Variants in NAV2 observed in about 807,000 individuals in gnomAD.
The protein encoded by NAV2 is neuron navigator 2, also known as helicase, APC down-regulated 1.
Under a neutral mutation model 223.2 loss-of-function variants are expected in NAV2, and 54 were observed. The ratio of observed to expected loss-of-function variants is 0.24; its 90% CI spans 0.19 to 0.30. The LOEUF (loss-of-function observed/expected upper bound fraction) is 0.30, where lower values mean the gene tolerates loss of function less well. Ranked by LOEUF, NAV2 falls within the 10% of genes least tolerant of loss-of-function variation. The pLI, the probability that NAV2 is intolerant of heterozygous loss-of-function variation, is 1.00. For synonymous variants in NAV2, 1,279 were observed against 1,239.3 expected (o/e 1.03, Z -0.67); for missense variants, 2,806 against 3,147.5 (o/e 0.89, Z 2.60).
At chr11:19,922,945 A>C (rs1024318703) in intron 6 of NAV2, among the ~76,000 whole-genome samples, 1 of 152,156 alleles carries the variant, frequency 6.6e-6, no homozygotes, top group Non-Finnish European at 1.5e-5. Context: ...TGTTGATAGA[A>C]ATCTTTTTAG....
intron 5 of NAV2, among the ~76,000 whole-genome samples, chr11:19,881,986 G>A (rs2063244755): frequency 6.6e-6 from 1 of 152,196 alleles, no homozygotes. Flanking sequence ...GTGACCTGTG[G>A]TCCCTGGAGT....
rs547788157 is a variant in NAV2, at chr11:19,943,188, A to AT, written c.2147-3206dup. ...GCCTAGAGCTAACCTAAGAATCAGT[A>AT]TTTTTTTAACAGGCTTATATACATA... is the stretch of plus-strand genomic sequence containing the variant. On this transcript the variant is annotated intron_variant, in intron 8 of 37. Transcript: ENST00000349880. 2.7e-3 allele frequency among the ~76,000 whole-genome samples: 408 copies of AT among 152,256 alleles called. 1 individual carries two copies. Among genetic ancestry groups the AT allele is most frequent in the African/African-American group, 9.4e-3 (392 of 41,540 alleles).
At position 20,120,638 on chromosome 11, in the gene NAV2, T is replaced by G. The variant is rs1301964624; in HGVS notation, c.*2380T>G. ...CTCTCTTGTCATTCTCTTCTCCCCT[T>G]TCCCACAGACTTCCCTCCTGGGTCC... On this transcript the variant is annotated 3_prime_UTR_variant, in exon 38 of 38. Coordinates refer to ENST00000349880, the MANE Select transcript of NAV2 (RefSeq NM_145117.5). 3 of 133,610 alleles carry G rather than the reference T, an allele frequency of 2.2e-5. No homozygotes were observed. The highest frequency in any genetic ancestry group is 9.7e-5 in the African/African-American group (3 of 30,918). The allele number at this position is 133,610 out of a possible 1,614,324, so 8.3% of individuals were successfully genotyped here.
chr11:19,745,591 C>T (rs904716232), intron 1 of NAV2, among the ~76,000 whole-genome samples: 13 of 152,102 alleles, frequency 8.5e-5, no homozygotes, highest in African/African-American at 3.1e-4. Flanking sequence ...GCGGTGGTCC[C>T]CAGCCTTTCT....
Position 19,653,441 on chromosome 11 carries a change from G to A in NAV2, c.76-179043G>A, listed in dbSNP as rs1464269188. 2.6e-5 allele frequency among the ~76,000 whole-genome samples: 4 copies of A among 152,316 alleles called. No homozygotes were observed. In the East Asian group the frequency reaches 5.8e-4, roughly 22 times the overall value. On this transcript the variant is annotated intron_variant, in intron 1 of 37. Coordinates refer to the NAV2 transcript ENST00000360655. Reference sequence around the variant, plus strand: ...TCTAAGCGCCAGGCATTTTACATTTGTGAGCTCACGAATATTCCTCACTGT... The same window carrying A: ...TCTAAGCGCCAGGCATTTTACATTTATGAGCTCACGAATATTCCTCACTGT...
At chr11:19,701,570 A>G (rs1219805857) in intron 1 of NAV2, among the ~76,000 whole-genome samples, 1 of 152,212 alleles carries the variant, frequency 6.6e-6, no homozygotes, top group Non-Finnish European at 1.5e-5. Flanking sequence ...CAGGGAGACT[A>G]ACTTTGTTTG....
At chr11:19,624,410 G>A (rs898842120) in intron 1 of NAV2, among the ~76,000 whole-genome samples, 31 of 152,030 alleles carry the variant, frequency 2.0e-4, no homozygotes, top group Non-Finnish European at 4.1e-4. Context: ...TGCTCAGTTC[G>A]AGCTTCCTGG....
chr11:19,566,359 T>C (rs2045269381), intron 1 of NAV2, among the ~76,000 whole-genome samples: 1 of 152,194 alleles, frequency 6.6e-6, no homozygotes, highest in South Asian at 2.1e-4. Context: ...ATTACAGGCA[T>C]GAGCCACCAC....
intron 1 of NAV2, among the ~76,000 whole-genome samples, chr11:19,565,627 T>A (rs4757007): frequency 0.8 from 121,300 of 152,172 alleles, 51,493 homozygotes; most frequent in Middle Eastern, 0.98. Context: ...TTGATTTTCC[T>A]ATGGTGATAA....
intron 1 of NAV2, among the ~76,000 whole-genome samples, chr11:19,787,179 C>T (rs190557977): frequency 4.0e-5 from 6 of 151,780 alleles, no homozygotes; most frequent in African/African-American, 1.5e-4. Flanking sequence ...CAACCTCAAA[C>T]TCCTGCGCTC....
At position 19,988,760 on chromosome 11, in the gene NAV2, A is replaced by G. The variant is rs78097103; in HGVS notation, c.2768+4513A>G. On this transcript the variant is annotated intron_variant, in intron 11 of 37. Coordinates refer to ENST00000349880, the MANE Select transcript of NAV2 (RefSeq NM_145117.5). ...TGAGAATGTAACTATGCAACCTGGT[A>G]TTTGAGCAGCCTGCCAAGCTGAGCC... Among the ~76,000 whole-genome samples the G allele has an allele frequency of 3.6e-3, 549 of 152,246 alleles. 3 individuals are homozygous for G. The highest frequency in any genetic ancestry group is 0.01 in the African/African-American group (424 of 41,556).
intron 10 of NAV2, among the ~76,000 whole-genome samples, chr11:19,954,263 A>G (rs1336673381): frequency 6.6e-6 from 1 of 152,206 alleles, no homozygotes; most frequent in African/African-American, 2.4e-5. Context: ...ACAGGATGTA[A>G]GCATTTGGTC....
chr11:19,634,418 T>A (rs2047433609), intron 1 of NAV2, among the ~76,000 whole-genome samples: 1 of 152,176 alleles, frequency 6.6e-6, no homozygotes, highest in African/African-American at 2.4e-5. Context: ...GATGAAATAA[T>A]CTGTACAACA....
chr11:19,585,147 C>G (rs1349609022), intron 1 of NAV2, among the ~76,000 whole-genome samples: 1 of 152,142 alleles, frequency 6.6e-6, no homozygotes, highest in Non-Finnish European at 1.5e-5. Context: ...CCTTCTTTGT[C>G]TCTTTTGATC....
chr11:19,977,700 C>CT (rs1389482693), intron 10 of NAV2, among the ~76,000 whole-genome samples: 2 of 150,366 alleles, frequency 1.3e-5, no homozygotes, highest in South Asian at 2.1e-4. Context: ...AAATTAAGCC[C>CT]TTTTTTTTTC....
At chr11:19,813,369 C>G (rs1046459550) in intron 1 of NAV2, among the ~76,000 whole-genome samples, 2 of 152,154 alleles carry the variant, frequency 1.3e-5, no homozygotes, top group African/African-American at 4.8e-5. Flanking sequence ...AGCTTCATGC[C>G]CAGCTTTTGC....
intron 6 of NAV2, among the ~76,000 whole-genome samples, chr11:19,920,888 C>T (rs1645047525): frequency 6.6e-6 from 1 of 152,138 alleles, no homozygotes; most frequent in African/African-American, 2.4e-5. Flanking sequence ...TGTTAGGATT[C>T]CTCTAAATGG....
intron 4 of NAV2, 22 bp from the exon 5 acceptor site, chr11:19,879,847 G>C (rs756746504): frequency 6.2e-7 from 1 of 1,613,790 alleles, no homozygotes; most frequent in Non-Finnish European, 8.5e-7. Flanking sequence ...CATCTGACAA[G>C]AGTCTCTTTA....
intron 1 of NAV2, among the ~76,000 whole-genome samples, chr11:19,749,300 C>T (rs1455212985): frequency 1.3e-5 from 2 of 152,212 alleles, no homozygotes; most frequent in African/African-American, 4.8e-5. Flanking sequence ...TAGGTGGGGG[C>T]ATCTCCCTCC....
Sources: allele counts gnomAD v4.1 joint callset (sites outside exome capture counted in the v4.1 genomes callset), GRCh38; gene constraint gnomAD v4.1.1; transcripts MANE v1.5; gene names NCBI Gene and HGNC (gene_info 2026-07-23, HGNC 2026-07-21).